CNTNAP4: variants seen among roughly 807,000 people sequenced by gnomAD.
The protein encoded by CNTNAP4 is contactin associated protein family member 4, also known as contactin-associated protein-like 4.
Under a neutral mutation model 148.4 loss-of-function variants are expected in CNTNAP4, and 98 were observed. The ratio of observed to expected loss-of-function variants is 0.66; its 90% CI spans 0.56 to 0.78. The LOEUF (loss-of-function observed/expected upper bound fraction) is 0.78. Ranked by LOEUF, CNTNAP4 falls within the 30% of genes least tolerant of loss-of-function variation. The pLI, the probability that CNTNAP4 is intolerant of heterozygous loss-of-function variation, is 0.00. For synonymous variants in CNTNAP4, 730 were observed against 565.1 expected (o/e 1.29, Z -4.14); for missense variants, 1,935 against 1,565.6 (o/e 1.24, Z -3.98).
chr16:76,300,375 G>A (rs1959826312), intron 1 of CNTNAP4, among the ~76,000 whole-genome samples: 1 of 152,024 alleles, frequency 6.6e-6, no homozygotes, highest in South Asian at 2.1e-4. Flanking sequence ...CACAGGGAGG[G>A]GAACATCACA....
intron 3 of CNTNAP4, among the ~76,000 whole-genome samples, chr16:76,397,389 A>G (rs1052616128): frequency 3.3e-5 from 5 of 152,028 alleles, no homozygotes; most frequent in African/African-American, 1.2e-4. Context: ...ATAAAGGGTT[A>G]AATTTCAGTG....
At chr16:76,430,779 CAT>C (rs1186414808) in intron 4 of CNTNAP4, among the ~76,000 whole-genome samples, 2 of 152,146 alleles carry the variant, frequency 1.3e-5, no homozygotes, top group African/African-American at 4.8e-5. Context: ...TCTCTTCTGA[CAT>C]AGAAGAAGGT....
chr16:76,288,545 T>A (rs974265497), intron 1 of CNTNAP4, among the ~76,000 whole-genome samples: 2 of 152,276 alleles, frequency 1.3e-5, no homozygotes, highest in Middle Eastern at 3.4e-3. Flanking sequence ...TCTCACCACC[T>A]CAACTTTAAT....
chr16:76,348,151 G>T (rs8049362), intron 2 of CNTNAP4, among the ~76,000 whole-genome samples: 102 of 151,372 alleles, frequency 6.7e-4, no homozygotes, highest in African/African-American at 2.3e-3. Context: ...TGGTTTGGTA[G>T]TGTGGTATGA....
intron 3 of CNTNAP4, among the ~76,000 whole-genome samples, chr16:76,395,163 A>G (rs1055105484): frequency 2.0e-5 from 3 of 152,176 alleles, no homozygotes; most frequent in African/African-American, 7.2e-5. Context: ...CAGAGAGATC[A>G]CGACCTTTTG....
At position 76,370,589 on chromosome 16, in the gene CNTNAP4, G is replaced by C. The variant is rs114170613; in HGVS notation, c.390+15078G>C. Among the ~76,000 whole-genome samples the C allele has an allele frequency of 7.8e-3, 1,189 of 152,254 alleles. 20 individuals carry two copies. The highest frequency in any genetic ancestry group is 0.027 in the African/African-American group (1,129 of 41,544). On this transcript the variant is annotated intron_variant, in intron 3 of 23. Transcript: ENST00000611870. The stretch of plus-strand genomic sequence containing the variant: ...TACAGGAGCCTGGGACACAGTCCAC[G>C]TCACTCAGCCCTCTAATGTTTTGGG...
chr16:76,304,898 A>G (rs1960326531), intron 1 of CNTNAP4, among the ~76,000 whole-genome samples: 1 of 152,164 alleles, frequency 6.6e-6, no homozygotes, highest in South Asian at 2.1e-4. Flanking sequence ...TTTTTACTCA[A>G]TCTCATTTCT....
intron 22 of CNTNAP4, 106 bp downstream of exon 22, chr16:76,553,607 A>G: frequency 1.2e-6 from 1 of 855,314 alleles, no homozygotes; most frequent in South Asian, 1.8e-5. Context: ...TGGCTTCTTA[A>G]AGTTGGTTTT....
At chr16:76,536,265 G>A (rs943548704) in intron 18 of CNTNAP4, among the ~76,000 whole-genome samples, 8 of 151,738 alleles carry the variant, frequency 5.3e-5, no homozygotes, top group Non-Finnish European at 1.0e-4. Flanking sequence ...GCGCAATCTC[G>A]GCTCACTGCA....
chr16:76,489,701 T>C lies in CNTNAP4; in HGVS notation c.1898T>C (p.Ile633Thr). ...TGCATACAAGAAACTGCATGGACCA[T>C]CATACAGCACAACGGCTCTGACTTA... The part of the protein sequence containing the change: ...YCNMTETAWT[I>T]IQHNGSDLTR... The change falls in exon 13 of 24, where the codon ATC becomes ACC. Residue 633 changes from isoleucine (I) to threonine (T), a missense_variant. Coordinates refer to ENST00000611870, the MANE Select transcript of CNTNAP4 (RefSeq NM_033401.5). 1 of 1,594,442 alleles carries C rather than the reference T, an allele frequency of 6.3e-7. No individual in the cohort carries two copies. The highest frequency in any genetic ancestry group is 1.1e-5 in the South Asian group (1 of 88,122).
intron 15 of CNTNAP4, among the ~76,000 whole-genome samples, chr16:76,500,263 G>T (rs531283946): frequency 2.6e-5 from 4 of 152,172 alleles, no homozygotes; most frequent in African/African-American, 9.6e-5. Flanking sequence ...GCGGCTGGCC[G>T]GGCGGGGGCT....
intron 15 of CNTNAP4, among the ~76,000 whole-genome samples, chr16:76,519,257 A>G (rs1309622845): frequency 3.9e-5 from 6 of 152,196 alleles, no homozygotes; most frequent in Non-Finnish European, 8.8e-5. Context: ...TGTATATGAG[A>G]GTGCTGAATA....
chr16:76,434,663 G>A (rs2079746907), intron 4 of CNTNAP4, among the ~76,000 whole-genome samples: 1 of 152,160 alleles, frequency 6.6e-6, no homozygotes, highest in African/African-American at 2.4e-5. Context: ...ATGTGATATT[G>A]TTTTTCATTT....
chr16:76,356,261 C>T (rs141732410), intron 3 of CNTNAP4, among the ~76,000 whole-genome samples: 1,526 of 152,010 alleles, frequency 0.01, 21 homozygotes, highest in Middle Eastern at 0.027. Context: ...CTGTTTCTTT[C>T]TCTGGTATAT....
intron 4 of CNTNAP4, among the ~76,000 whole-genome samples, chr16:76,440,345 C>G (rs935901623): frequency 2.0e-5 from 3 of 151,990 alleles, no homozygotes; most frequent in Non-Finnish European, 4.4e-5. Context: ...ATTTTCTATT[C>G]CAATTTTTCT....
intron 3 of CNTNAP4, among the ~76,000 whole-genome samples, chr16:76,368,388 C>G (rs1431115431): frequency 6.6e-6 from 1 of 152,158 alleles, no homozygotes; most frequent in Non-Finnish European, 1.5e-5. Context: ...ATGTTTATTG[C>G]AGCACTATTC....
intron 10 of CNTNAP4, among the ~76,000 whole-genome samples, chr16:76,471,397 G>A (rs993301359): frequency 1.3e-5 from 2 of 152,178 alleles, no homozygotes; most frequent in Non-Finnish European, 2.9e-5. Flanking sequence ...GCACACTGGG[G>A]CTGCAGAGAC....
intron 3 of CNTNAP4, among the ~76,000 whole-genome samples, chr16:76,379,438 T>G (rs1467405194): frequency 7.0e-6 from 1 of 143,620 alleles, no homozygotes; most frequent in African/African-American, 3.0e-5. Flanking sequence ...CGTTTAAACT[T>G]TGTTTGGGGT....
intron 1 of CNTNAP4, among the ~76,000 whole-genome samples, chr16:76,278,336 C>T (rs776573947): frequency 6.6e-6 from 1 of 152,140 alleles, no homozygotes; most frequent in Non-Finnish European, 1.5e-5. Flanking sequence ...TAGCGCTCTC[C>T]GGAAAGAGGA....
Sources: gnomAD v4.1 joint callset for allele counts (sites outside exome capture counted in the v4.1 genomes callset) on GRCh38, gnomAD v4.1.1 for gene constraint, MANE v1.5 for transcripts, NCBI Gene and HGNC (gene_info 2026-07-23, HGNC 2026-07-21) for gene names.